Variants in PIK3R4 observed in about 807,000 individuals in gnomAD.
PIK3R4 encodes phosphoinositide 3-kinase regulatory subunit 4.
A neutral mutation model predicts 136.5 loss-of-function variants in PIK3R4; 46 were observed. The ratio of observed to expected loss-of-function variants is 0.34; its 90% confidence interval spans 0.27 to 0.43. The LOEUF (loss-of-function observed/expected upper bound fraction) is 0.43, where lower values mean the gene tolerates loss of function less well. Ranked by LOEUF, PIK3R4 falls within the 20% of genes least tolerant of loss-of-function variation. The pLI is 1.00. For synonymous variants in PIK3R4, 557 were observed against 566.7 expected (o/e 0.98, Z 0.24); for missense variants, 1,331 against 1,649.5 (o/e 0.81, Z 3.35).
In PIK3R4 at chr3:130,717,177, G is replaced by A. The variant is rs144047051; in HGVS notation, c.2128-578C>T. Among the ~76,000 whole-genome samples the A allele has an allele frequency of 8.1e-3, 1,176 of 144,960 alleles. 16 individuals are homozygous for A. Among genetic ancestry groups the A allele is most frequent in the African/African-American group, 0.028 (1,107 of 39,280 alleles). ...TTCTTTTTTTTCTTTTTTTTTTTCT[G>A]TGACTCTAGCAAAAGAACCAAGAGG... On this transcript the variant is annotated intron_variant, in intron 8 of 19. Coordinates refer to ENST00000356763, the MANE Select transcript of PIK3R4 (RefSeq NM_014602.3).
intron 13 of PIK3R4, among the ~76,000 whole-genome samples, chr3:130,702,017 T>C (rs1288892018): frequency 6.6e-6 from 1 of 151,990 alleles, no homozygotes; most frequent in Non-Finnish European, 1.5e-5. Context: ...GGCATGCGCC[T>C]GTAGTCCTAG....
At chr3:130,736,824 C>T (rs1424578715) in intron 2 of PIK3R4, among the ~76,000 whole-genome samples, 2 of 152,074 alleles carry the variant, frequency 1.3e-5, no homozygotes, top group Non-Finnish European at 2.9e-5. Context: ...ATGAAGCTTT[C>T]ATTCTAGGAA....
At chr3:130,701,208 G>T (rs1346957727) in intron 13 of PIK3R4, among the ~76,000 whole-genome samples, 1 of 152,068 alleles carries the variant, frequency 6.6e-6, no homozygotes, top group Non-Finnish European at 1.5e-5. Context: ...TACTTAAAAT[G>T]CTAATTAAAA....
chr3:130,708,176 G>T, intron 10 of PIK3R4, 115 bp downstream of exon 10: 1 of 811,422 alleles, frequency 1.2e-6, no homozygotes, highest in Non-Finnish European at 2.0e-6. Flanking sequence ...CACTGTATTT[G>T]TAAGTTCTTT....
At chr3:130,680,883 C>A in intron 18 of PIK3R4, 94 bp downstream of exon 18, 1 of 776,120 alleles carries the variant, frequency 1.3e-6, no homozygotes, top group East Asian at 2.6e-5. Flanking sequence ...AACAGCTGTC[C>A]TTATAAGATG....
chr3:130,744,445 A>G, intron 2 of PIK3R4, 41 bp downstream of exon 2: 1 of 1,539,932 alleles, frequency 6.5e-7, no homozygotes, highest in Non-Finnish European at 8.7e-7. Flanking sequence ...AGTTAAAAGA[A>G]AAACACATGC....
intron 13 of PIK3R4, among the ~76,000 whole-genome samples, chr3:130,698,159 TATG>T (rs1378734435): frequency 1.3e-5 from 2 of 152,252 alleles, no homozygotes; most frequent in Non-Finnish European, 2.9e-5. Flanking sequence ...TCCAACAGTT[TATG>T]ATGTGTCCAG....
Position 130,679,324 on chromosome 3 carries a change from C to T in PIK3R4, c.4068G>A (p.Val1356=). 1 of 1,596,702 alleles carries T rather than the reference C, an allele frequency of 6.3e-7. No homozygotes were observed. Among genetic ancestry groups the T allele is most frequent in the Non-Finnish European group, 8.5e-7 (1 of 1,170,134 alleles). The change falls in exon 20 of 20, where the codon GTG becomes GTA. Residue 1356 remains valine (V), a synonymous_variant. Coordinates refer to ENST00000356763, the MANE Select transcript of PIK3R4 (RefSeq NM_014602.3). ...TACAAATCAGTAGGTTTTATTTCCA[C>T]ACCTTCACAATCCCATCTCTAGAAG... ...VTASRDGIVK[V]WK is the part of the protein sequence containing the mutation.
At chr3:130,692,710 A>AG (rs71620089) in intron 13 of PIK3R4, among the ~76,000 whole-genome samples, 1 of 152,188 alleles carries the variant, frequency 6.6e-6, no homozygotes, top group African/African-American at 2.4e-5. Context: ...CAATGCCCAC[A>AG]GGGGCCCCAC....
chr3:130,718,243 CATTA>C, intron 8 of PIK3R4, 142 bp downstream of exon 8: 1 of 664,578 alleles, frequency 1.5e-6, no homozygotes, highest in Non-Finnish European at 2.5e-6. Context: ...GGTTCATTAA[CATTA>C]ATTAGCTTGA....
chr3:130,730,188 T>A (rs2107618398), intron 5 of PIK3R4, 120 bp downstream of exon 5: 1 of 734,106 alleles, frequency 1.4e-6, no homozygotes, highest in East Asian at 2.9e-5. Flanking sequence ...ACTCTTCCTA[T>A]CTAATATATA....
chr3:130,684,990 A>G (rs1191685890), intron 15 of PIK3R4, among the ~76,000 whole-genome samples: 1 of 152,242 alleles, frequency 6.6e-6, no homozygotes, highest in Non-Finnish European at 1.5e-5. Context: ...AGTGTAACAA[A>G]TATGAGTTAG....
chr3:130,679,753 C>T (rs376743450), intron 19 of PIK3R4, among the ~76,000 whole-genome samples: 3 of 151,800 alleles, frequency 2.0e-5, no homozygotes, highest in East Asian at 3.9e-4. Flanking sequence ...CTTTTGCCAA[C>T]ATCAAAAGAA....
chr3:130,681,725 T>G (rs2066459760), intron 16 of PIK3R4, 134 bp from the exon 17 acceptor site: 1 of 584,156 alleles, frequency 1.7e-6, no homozygotes, highest in African/African-American at 1.9e-5. Flanking sequence ...CAATATAATA[T>G]TCACTTAATA....
intron 2 of PIK3R4, among the ~76,000 whole-genome samples, chr3:130,739,318 C>G (rs540779962): frequency 1.3e-5 from 2 of 152,256 alleles, no homozygotes. Context: ...CCTCGTGATC[C>G]ACCCATCTTG....
At chr3:130,703,508 A>T (rs576035998) in intron 13 of PIK3R4, among the ~76,000 whole-genome samples, 1 of 151,786 alleles carries the variant, frequency 6.6e-6, no homozygotes, top group African/African-American at 2.4e-5. Flanking sequence ...TTTTACCACA[A>T]TTTTTTTTAA....
intron 18 of PIK3R4, 101 bp from the exon 19 acceptor site, chr3:130,680,822 G>A: frequency 1.2e-6 from 1 of 826,066 alleles, no homozygotes; most frequent in Non-Finnish European, 1.9e-6. Context: ...TTTTGCATTA[G>A]GAAAAGAGGT....
chr3:130,689,143 A>C (rs1461532233), intron 14 of PIK3R4, among the ~76,000 whole-genome samples: 1 of 152,230 alleles, frequency 6.6e-6, no homozygotes, highest in Non-Finnish European at 1.5e-5. Flanking sequence ...AGTTTCTTTG[A>C]AGCACACACT....
intron 9 of PIK3R4, among the ~76,000 whole-genome samples, chr3:130,715,002 A>C (rs2066654779): frequency 6.6e-6 from 1 of 152,114 alleles, no homozygotes; most frequent in Non-Finnish European, 1.5e-5. Flanking sequence ...TTCTGGTTCT[A>C]GACCCTTGAG....
Sources: allele counts gnomAD v4.1 joint callset (sites outside exome capture counted in the v4.1 genomes callset), GRCh38; gene constraint gnomAD v4.1.1; transcripts MANE v1.5; gene names NCBI Gene and HGNC (gene_info 2026-07-23, HGNC 2026-07-21).